SYNE1: variants seen among roughly 807,000 people sequenced by gnomAD.
The protein encoded by SYNE1 is spectrin repeat containing nuclear envelope protein 1, also known as nesprin-1.
A neutral mutation model predicts 1,111.0 loss-of-function variants in SYNE1; 616 were observed. That is an observed-to-expected ratio of 0.55 (90% CI 0.52 to 0.59). The LOEUF (loss-of-function observed/expected upper bound fraction) is 0.59. SYNE1 is among the 20% of genes least tolerant of loss of function. SYNE1 has a pLI of 0.00. For synonymous variants in SYNE1, 3,855 were observed against 3,825.8 expected (o/e 1.01, Z -0.28); for missense variants, 10,006 against 10,417.0 (o/e 0.96, Z 1.72).
chr6:152,363,757 G>A (rs1401194818), intron 63 of SYNE1: 1 of 455,182 alleles, frequency 2.2e-6, no homozygotes, highest in East Asian at 7.0e-5. Context: ...GGCAATATAG[G>A]CACAGGGGAG....
Position 152,220,975 on chromosome 6 carries a change from C to T in SYNE1, c.21728G>A (p.Arg7243Lys). The T allele has an allele frequency of 6.2e-7, 1 of 1,614,136 alleles. No individual in the cohort carries two copies. Among genetic ancestry groups the T allele is most frequent in the Non-Finnish European group, 8.5e-7 (1 of 1,180,000 alleles). Residue 7243 changes from arginine to lysine, a missense_variant, in exon 119 of 146, where the codon AGA becomes AAA. Physicochemically the swap from Arg to Lys is conservative, Grantham distance 26. Transcript: ENST00000367255. The part of the protein sequence containing the change: ...SSKALLQLWQ[R>K]YKDYSKQCAS... ...ACACTGTTTGGAGTAGTCCTTGTAT[C>T]TTTGCCAAAGCTGAAGTAGGGCCTT...
At chr6:152,487,286 G>A (rs563026002) in intron 12 of SYNE1, among the ~76,000 whole-genome samples, 3 of 152,294 alleles carry the variant, frequency 2.0e-5, no homozygotes, top group South Asian at 2.1e-4. Flanking sequence ...ACTTATAAGT[G>A]AGAACACGCA....
intron 133 of SYNE1, among the ~76,000 whole-genome samples, chr6:152,152,615 T>C (rs2060634142): frequency 6.6e-6 from 1 of 152,244 alleles, no homozygotes; most frequent in South Asian, 2.1e-4. Flanking sequence ...TATGTACTTT[T>C]CTAAAAATCT....
chr6:152,545,419 A>G (rs147123567), intron 3 of SYNE1, among the ~76,000 whole-genome samples: 35 of 152,194 alleles, frequency 2.3e-4, no homozygotes, highest in African/African-American at 8.4e-4. Context: ...GTCTCTATGA[A>G]TAATATAAAA....
intron 91 of SYNE1, among the ~76,000 whole-genome samples, chr6:152,308,068 T>G (rs887113443): frequency 1.3e-5 from 2 of 152,162 alleles, no homozygotes; most frequent in Non-Finnish European, 2.9e-5. Flanking sequence ...CCTGACCTCA[T>G]GATCCACCCA....
chr6:152,608,532 A>G (rs2099622444), intron 3 of SYNE1, among the ~76,000 whole-genome samples: 1 of 152,256 alleles, frequency 6.6e-6, no homozygotes, highest in Admixed American at 6.5e-5. Flanking sequence ...TTACAATTTC[A>G]TAACTCTGGA....
At chr6:152,477,079 A>T (rs2098839248) in intron 14 of SYNE1, among the ~76,000 whole-genome samples, 1 of 152,140 alleles carries the variant, frequency 6.6e-6, no homozygotes, top group Non-Finnish European at 1.5e-5. Flanking sequence ...AATTCTGAAG[A>T]CTTAGTCAAA....
At chr6:152,359,704 T>C (rs777159911) in intron 64 of SYNE1, among the ~76,000 whole-genome samples, 1 of 152,026 alleles carries the variant, frequency 6.6e-6, no homozygotes, top group Non-Finnish European at 1.5e-5. Context: ...ACCAATTAAC[T>C]ACTTTATATT....
In SYNE1 at chr6:152,359,709, T is replaced by C. The variant is rs34082537; in HGVS notation, c.10300-251A>G. On this transcript the variant is annotated intron_variant, in intron 64 of 145. Transcript: ENST00000367255. The stretch of plus-strand genomic sequence containing the variant: ...CATATGAATTACCAATTAACTACTT[T>C]ATATTTCTACTCTTAACATTTCAAA... Among the ~76,000 whole-genome samples, 16,814 of 152,014 alleles carry C rather than the reference T, an allele frequency of 0.11. 1,278 individuals are homozygous for C. The highest frequency in any genetic ancestry group is 0.14 in the Non-Finnish European group (9,806 of 67,980).
In SYNE1 at chr6:152,294,035, A is replaced by G. The variant is rs756831138; in HGVS notation, c.17775T>C (p.Tyr5925=). 51 of 1,614,026 alleles carry G rather than the reference A, an allele frequency of 3.2e-5. No individual in the cohort carries two copies. Among genetic ancestry groups the G allele is most frequent in the Non-Finnish European group, 4.0e-5 (47 of 1,180,030 alleles). The change falls in exon 94 of 146, where the codon TAT becomes TAC. Residue 5925 remains tyrosine (Y), a synonymous_variant. Coordinates refer to ENST00000367255, the MANE Select transcript of SYNE1 (RefSeq NM_182961.4). ...TAGCGGATGGCTCCAATCCCGGTTC[A>G]TAGAACTCCTGGGATGCGGATGTGC... is the stretch of plus-strand genomic sequence containing the variant. ...HPSTSASQEF[Y]EPGLEPSATA...
intron 87 of SYNE1, chr6:152,311,171 C>T: frequency 2.4e-6 from 1 of 412,886 alleles, no homozygotes; most frequent in South Asian, 2.7e-5. Context: ...GAGAACAGGA[C>T]ATAGGAATTC....
At chr6:152,165,069 C>T (rs1014575560) in intron 130 of SYNE1, among the ~76,000 whole-genome samples, 13 of 118,664 alleles carry the variant, frequency 1.1e-4, no homozygotes, top group East Asian at 3.1e-4. Context: ...ATCAGATATT[C>T]GCGCCCCCTC....
chr6:152,419,759 A>T, intron 39 of SYNE1, 37 bp from the exon 40 acceptor site: 1 of 1,607,850 alleles, frequency 6.2e-7, no homozygotes, highest in East Asian at 2.2e-5. Flanking sequence ...AATGTCCCAT[A>T]AGTAAACAGA....
At chr6:152,386,848 T>C (rs2097533571) in intron 54 of SYNE1, among the ~76,000 whole-genome samples, 3 of 152,062 alleles carry the variant, frequency 2.0e-5, no homozygotes, top group Non-Finnish European at 2.9e-5. Flanking sequence ...AATCCCAAGA[T>C]TGTAGAAAGA....
chr6:152,251,651 T>G (rs998588437), intron 104 of SYNE1, among the ~76,000 whole-genome samples: 7 of 150,638 alleles, frequency 4.6e-5, no homozygotes, highest in Non-Finnish European at 1.0e-4. Flanking sequence ...CCCAGCTACT[T>G]GGGAGGCTGA....
intron 2 of SYNE1, among the ~76,000 whole-genome samples, chr6:152,631,134 G>A (rs979834960): frequency 2.0e-5 from 3 of 152,242 alleles, no homozygotes; most frequent in Non-Finnish European, 4.4e-5. Flanking sequence ...ACAAAGATGT[G>A]AAGATACAGA....
At chr6:152,361,844 A>AT (rs1180600256) in intron 64 of SYNE1, among the ~76,000 whole-genome samples, 33 of 89,870 alleles carry the variant, frequency 3.7e-4, no homozygotes, top group Middle Eastern at 5.4e-3. Context: ...AAGGGATGTG[A>AT]TAAAAAAAAA....
At position 152,301,891 on chromosome 6, in the gene SYNE1, G is replaced by A. The variant is rs375874029; in HGVS notation, c.17519C>T (p.Ser5840Leu). 75 of 1,613,560 alleles carry A rather than the reference G, an allele frequency of 4.6e-5. No individual in the cohort carries two copies. The highest frequency in any genetic ancestry group is 1.6e-4 in the Middle Eastern group (1 of 6,076). The change falls in exon 92 of 146, where the codon TCG (serine) becomes TTG (leucine). Residue 5840 changes from serine (S) to leucine (L), a missense_variant. Physicochemically the swap from Ser to Leu is moderately radical, Grantham distance 145. Around this residue, in one of 7 missense-constraint regions of SYNE1, gnomAD observed 4,955 missense variants for 5,017.2 expected, o/e 0.99. Transcript: ENST00000367255. Reference protein sequence around the residue: ...DLDGELLPTPSAHPSVVMMTA... With the variant: ...DLDGELLPTPLAHPSVVMMTA... ...TACCATGACCACAGAGGGGTGGGCC[G>A]AAGGCGTGGGGAGGAGCTCCCCATC... is the stretch of plus-strand genomic sequence containing the variant.
At chr6:152,134,953 A>G in intron 142 of SYNE1, 151 bp downstream of exon 142, 1 of 944,750 alleles carries the variant, frequency 1.1e-6, no homozygotes, top group East Asian at 2.6e-5. Flanking sequence ...AAGATTGGAA[A>G]CCACAGGGAG....
Sources: gnomAD v4.1 joint callset for allele counts (sites outside exome capture counted in the v4.1 genomes callset) on GRCh38, gnomAD v4.1.1 for gene constraint, gnomAD v4.1.1 regional missense constraint, MANE v1.5 for transcripts, NCBI Gene and HGNC (gene_info 2026-07-23, HGNC 2026-07-21) for gene names.